The following CAMTA1 variants were observed in gnomAD, a reference collection of about 807,000 sequenced individuals.
CAMTA1 encodes calmodulin binding transcription activator 1, also known as calmodulin-binding transcription activator 1.
Under a neutral mutation model 170.9 loss-of-function variants are expected in CAMTA1, and 27 were observed. The ratio of observed to expected loss-of-function variants is 0.16; its 90% CI spans 0.12 to 0.22. The LOEUF (loss-of-function observed/expected upper bound fraction) is 0.22. Ranked by LOEUF, CAMTA1 falls within the 10% of genes least tolerant of loss-of-function variation. The pLI, the probability that CAMTA1 is intolerant of heterozygous loss-of-function variation, is 1.00. For missense variants in CAMTA1, 1,619 were observed against 2,217.2 expected (o/e 0.73, Z 5.42); for synonymous variants, 833 against 891.5 (o/e 0.93, Z 1.17).
In CAMTA1 at chr1:7,482,996, G is replaced by A. The variant is rs2093562017; in HGVS notation, c.510+15095G>A. On this transcript the variant is annotated intron_variant, in intron 6 of 22. Coordinates refer to ENST00000303635, the MANE Select transcript of CAMTA1 (RefSeq NM_015215.4). This position sits in a 1 kb window ranked among gnomAD's most constrained non-coding sequence, Gnocchi z 4.2. ...CCTGGAGCCAGTGCCAGCCAACTGG[G>A]GCCACCTCTACAGCCTGAGAGGGCT... Among the ~76,000 whole-genome samples, 1 of 152,138 alleles carries A rather than the reference G, an allele frequency of 6.6e-6. No individual in the cohort carries two copies. The highest frequency in any genetic ancestry group is 1.5e-5 in the Non-Finnish European group (1 of 68,026).
intron 11 of CAMTA1, among the ~76,000 whole-genome samples, chr1:7,717,902 T>C (rs12119947): frequency 0.5 from 75,873 of 151,940 alleles, 19,094 homozygotes; most frequent in Middle Eastern, 0.6. Context: ...TCACGTTGTG[T>C]ATTTCCGATA....
intron 5 of CAMTA1, among the ~76,000 whole-genome samples, chr1:7,334,004 C>T (rs966684214): frequency 2.0e-5 from 3 of 152,224 alleles, no homozygotes; most frequent in African/African-American, 4.8e-5. Context: ...AATTGTGTCA[C>T]GTAGCCAGGC....
intron 6 of CAMTA1, among the ~76,000 whole-genome samples, chr1:7,615,826 C>T (rs532584260): frequency 5.9e-5 from 9 of 152,314 alleles, no homozygotes; most frequent in African/African-American, 2.2e-4. Context: ...GGCTTGGCCA[C>T]CATGGAGTGA....
intron 5 of CAMTA1, among the ~76,000 whole-genome samples, chr1:7,457,584 C>G (rs868739169): frequency 2.6e-5 from 4 of 152,194 alleles, no homozygotes; most frequent in African/African-American, 9.7e-5. Flanking sequence ...GGAGCACACA[C>G]TGTTCTCCGC....
At chr1:6,864,766 C>G (rs1666000140) in intron 3 of CAMTA1, among the ~76,000 whole-genome samples, 1 of 152,170 alleles carries the variant, frequency 6.6e-6, no homozygotes, top group Admixed American at 6.5e-5. Context: ...ATGGGGCACT[C>G]TTGCTGGGTG....
At chr1:7,081,870 G>A (rs1418435674) in intron 3 of CAMTA1, among the ~76,000 whole-genome samples, 1 of 152,228 alleles carries the variant, frequency 6.6e-6, no homozygotes, top group Non-Finnish European at 1.5e-5. Context: ...GAAGAAGACT[G>A]TGTGGACCAA....
intron 4 of CAMTA1, among the ~76,000 whole-genome samples, chr1:7,222,133 G>A (rs1438493569): frequency 6.6e-6 from 1 of 152,154 alleles, no homozygotes; most frequent in Non-Finnish European, 1.5e-5. Context: ...TCTGGGAAAT[G>A]GACCAAGCAC....
At position 7,436,674 on chromosome 1, in the gene CAMTA1, C is replaced by T. The variant is rs540991411; in HGVS notation, c.439-31156C>T. Among the ~76,000 whole-genome samples, 14 of 152,326 alleles carry T rather than the reference C, an allele frequency of 9.2e-5. No homozygotes were observed. In the East Asian group the frequency reaches 2.1e-3, roughly 23 times the overall value. ...TTGAAGGCTGGTTCCTGGACTTGCC[C>T]TTCCCGGGCCTGTGGCATCTGAAAG... On this transcript the variant is annotated intron_variant, in intron 5 of 22. Coordinates refer to ENST00000303635, the MANE Select transcript of CAMTA1 (RefSeq NM_015215.4).
chr1:6,792,049 G>A (rs752736524), intron 1 of CAMTA1, among the ~76,000 whole-genome samples: 2 of 151,882 alleles, frequency 1.3e-5, no homozygotes, highest in Non-Finnish European at 2.9e-5. Flanking sequence ...CGCCTTCCAG[G>A]TTCAAGCGAT....
chr1:7,152,419 C>G (rs531404663), intron 4 of CAMTA1, among the ~76,000 whole-genome samples: 2 of 152,310 alleles, frequency 1.3e-5, no homozygotes, highest in East Asian at 3.9e-4. Context: ...CAACCTTGGG[C>G]TCCCCCTCCA....
At chr1:7,655,117 T>TACCCACACACCTATAC (rs1558064134) in intron 7 of CAMTA1, among the ~76,000 whole-genome samples, 1 of 110,236 alleles carries the variant, frequency 9.1e-6, no homozygotes, top group Non-Finnish European at 1.8e-5. Context: ...CACACACCTA[T>TACCCACACACCTATAC]ACACACACCT....
intron 6 of CAMTA1, among the ~76,000 whole-genome samples, chr1:7,508,309 A>ACACCC (rs1316252629): frequency 3.3e-5 from 5 of 152,158 alleles, no homozygotes; most frequent in Non-Finnish European, 7.4e-5. Flanking sequence ...CCTGCATCCC[A>ACACCC]CACCCGTCGG....
At position 7,467,838 on chromosome 1, in the gene CAMTA1, C is replaced by T. The variant is rs781212251; in HGVS notation, c.447C>T (p.Tyr149=). ...TTTTCCTCTCTCCCTAGTGCTTGTA[C>T]GGCTGCTATGTCCATTCCTCCATCA... is the stretch of plus-strand genomic sequence containing the variant. The part of the protein sequence containing the change: ...KLKVQGVECL[Y]GCYVHSSIIP... Residue 149 remains tyrosine (Y), a synonymous_variant, in exon 6 of 23, where the codon TAC becomes TAT. Coordinates refer to ENST00000303635, the MANE Select transcript of CAMTA1 (RefSeq NM_015215.4). 17 of 1,613,352 alleles carry T rather than the reference C, an allele frequency of 1.1e-5. No individual in the cohort carries two copies. The highest frequency in any genetic ancestry group is 1.6e-4 in the Middle Eastern group (1 of 6,084).
intron 3 of CAMTA1, among the ~76,000 whole-genome samples, chr1:7,051,231 A>C (rs920925271): frequency 1.3e-5 from 2 of 152,210 alleles, no homozygotes; most frequent in African/African-American, 4.8e-5. Context: ...GAATTGAGGC[A>C]GGCAATTTCT....
At chr1:7,126,593 G>C (rs1644945166) in intron 4 of CAMTA1, among the ~76,000 whole-genome samples, 3 of 152,278 alleles carry the variant, frequency 2.0e-5, no homozygotes, top group African/African-American at 7.2e-5. Flanking sequence ...GGTTCCTATT[G>C]ATCATGCAGC....
chr1:7,059,304 T>C (rs1007782168), intron 3 of CAMTA1, among the ~76,000 whole-genome samples: 5 of 152,126 alleles, frequency 3.3e-5, no homozygotes, highest in African/African-American at 1.2e-4. Context: ...GGGTAACAAA[T>C]CTGGGGAAGT....
intron 3 of CAMTA1, among the ~76,000 whole-genome samples, chr1:7,033,941 AT>A (rs1703181374): frequency 6.6e-6 from 1 of 151,936 alleles, no homozygotes; most frequent in Non-Finnish European, 1.5e-5. Flanking sequence ...TGGTTACATT[AT>A]TTGGAATTAG....
intron 5 of CAMTA1, among the ~76,000 whole-genome samples, chr1:7,432,430 G>A: frequency 6.6e-6 from 1 of 152,198 alleles, no homozygotes; most frequent in Non-Finnish European, 1.5e-5. Flanking sequence ...AGGATCTGAG[G>A]GAATGGGAGG....
intron 4 of CAMTA1, among the ~76,000 whole-genome samples, chr1:7,119,913 T>C (rs1403504044): frequency 6.6e-6 from 1 of 152,190 alleles, no homozygotes. Context: ...TTTGTCACCA[T>C]GGATACCTGT....
Sources: gnomAD v4.1 joint callset for allele counts (sites outside exome capture counted in the v4.1 genomes callset) on GRCh38, gnomAD v4.1.1 for gene constraint, Gnocchi (gnomAD v3.1) non-coding constraint, MANE v1.5 for transcripts, NCBI Gene and HGNC (gene_info 2026-07-23, HGNC 2026-07-21) for gene names.